MACROD2: variants seen among roughly 807,000 people sequenced by gnomAD.
MACROD2 encodes ADP-ribose glycohydrolase MACROD2.
In MACROD2, 36 loss-of-function variants were observed where a neutral mutation model predicts 70.4. The observed-to-expected ratio is 0.51, with a 90% CI of 0.39 to 0.68. The LOEUF (loss-of-function observed/expected upper bound fraction) is 0.68, where lower values mean the gene tolerates loss of function less well. Among genes scored for constraint, MACROD2 ranks in the 30% least tolerant of loss-of-function variants. MACROD2 has a pLI of 0.00. For missense variants in MACROD2, 496 were observed against 538.4 expected (o/e 0.92, Z 0.78); for synonymous variants, 172 against 178.8 (o/e 0.96, Z 0.30).
At chr20:15,967,106 T>G (rs1048829367) in intron 12 of MACROD2, among the ~76,000 whole-genome samples, 1 of 152,170 alleles carries the variant, frequency 6.6e-6, no homozygotes. Context: ...AAGATGAACT[T>G]AATTACCACT....
intron 8 of MACROD2, among the ~76,000 whole-genome samples, chr20:15,550,360 G>A (rs1568885595): frequency 6.9e-6 from 1 of 144,432 alleles, no homozygotes; most frequent in Middle Eastern, 3.7e-3. Context: ...AGATAAAAAT[G>A]TGTCTTATTA....
intron 8 of MACROD2, among the ~76,000 whole-genome samples, chr20:15,783,517 C>T (rs985062293): frequency 6.6e-6 from 1 of 152,050 alleles, no homozygotes. Context: ...TTAAAAGGCT[C>T]CTCCTGGTTT....
chr20:14,050,171 G>A (rs904276932), intron 2 of MACROD2, among the ~76,000 whole-genome samples: 1 of 151,840 alleles, frequency 6.6e-6, no homozygotes, highest in South Asian at 2.1e-4. Flanking sequence ...TGAATGATCA[G>A]CAGCAGGGTA....
chr20:15,914,585 C>T (rs1160680237), intron 10 of MACROD2, among the ~76,000 whole-genome samples: 1 of 152,188 alleles, frequency 6.6e-6, no homozygotes, highest in Middle Eastern at 3.2e-3. Flanking sequence ...GTAAGGACTA[C>T]CACTACTATG....
At chr20:14,605,056 A>G (rs572221460) in intron 4 of MACROD2, among the ~76,000 whole-genome samples, 10 of 152,324 alleles carry the variant, frequency 6.6e-5, no homozygotes, top group African/African-American at 2.4e-4. Flanking sequence ...TGAAGTAGCT[A>G]TAACACTTTA....
chr20:15,893,644 G>A (rs1290320011), intron 10 of MACROD2: 5 of 453,386 alleles, frequency 1.1e-5, no homozygotes, highest in African/African-American at 8.0e-5. Flanking sequence ...AAACCTAAGA[G>A]TAGTACAAAC....
intron 6 of MACROD2, among the ~76,000 whole-genome samples, chr20:15,397,257 T>G (rs138005834): frequency 1.6e-3 from 238 of 152,290 alleles, no homozygotes; most frequent in African/African-American, 5.3e-3. Flanking sequence ...CTGTAGATAC[T>G]ATTTTAGCTT....
At chr20:16,013,685 T>G (rs2066893808) in intron 15 of MACROD2, among the ~76,000 whole-genome samples, 1 of 152,214 alleles carries the variant, frequency 6.6e-6, no homozygotes, top group Non-Finnish European at 1.5e-5. Context: ...GTTGCTATAT[T>G]TATTGTCTTT....
intron 4 of MACROD2, among the ~76,000 whole-genome samples, chr20:14,614,067 C>G (rs925453109): frequency 6.6e-6 from 1 of 152,036 alleles, no homozygotes; most frequent in Non-Finnish European, 1.5e-5. Context: ...AATTAGTTTA[C>G]TTTTCATGCT....
chr20:15,843,609 A>G (rs2064198078), intron 8 of MACROD2, among the ~76,000 whole-genome samples: 2 of 152,212 alleles, frequency 1.3e-5, no homozygotes, highest in African/African-American at 4.8e-5. Context: ...CAGAGTATTT[A>G]GGATAATTTC....
At chr20:14,931,304 A>G (rs1425968066) in intron 5 of MACROD2, among the ~76,000 whole-genome samples, 1 of 152,120 alleles carries the variant, frequency 6.6e-6, no homozygotes, top group Non-Finnish European at 1.5e-5. Context: ...AACCACTACC[A>G]TTTGTAAAAA....
intron 8 of MACROD2, among the ~76,000 whole-genome samples, chr20:15,816,964 C>T (rs2063882999): frequency 6.6e-6 from 1 of 152,192 alleles, no homozygotes; most frequent in Non-Finnish European, 1.5e-5. Context: ...GAATTCAATA[C>T]CTACTTGTCC....
chr20:15,727,633 C>T (rs1189637471), intron 8 of MACROD2, among the ~76,000 whole-genome samples: 1 of 152,014 alleles, frequency 6.6e-6, no homozygotes, highest in Non-Finnish European at 1.5e-5. Context: ...TTTTGTAATT[C>T]TCACTGTAGA....
intron 15 of MACROD2, among the ~76,000 whole-genome samples, chr20:16,021,902 A>G (rs1391683309): frequency 2.0e-5 from 3 of 152,226 alleles, no homozygotes; most frequent in South Asian, 2.1e-4. Context: ...TAAGCATTGA[A>G]TAAGAGTTTC....
intron 8 of MACROD2, among the ~76,000 whole-genome samples, chr20:15,538,160 A>C (rs956433983): frequency 6.6e-6 from 1 of 152,208 alleles, no homozygotes; most frequent in Non-Finnish European, 1.5e-5. Flanking sequence ...AAAGAAAAAC[A>C]ACTTAAAAAA....
chr20:15,401,421 G>A lies in MACROD2; in HGVS notation c.541-29984G>A, dbSNP rs996696275. 8.5e-5 allele frequency among the ~76,000 whole-genome samples: 13 copies of A among 152,204 alleles called. No individual in the cohort carries two copies. In the East Asian group the frequency reaches 9.7e-4, roughly 11 times the overall value. On this transcript the variant is annotated intron_variant, in intron 6 of 17. Transcript: ENST00000684519. ...GGGCTTTCATAGAAATGTTTTCATCGGTACAGTTTGGCAACATGACCTCCA... is the reference window on the plus strand; with the variant it reads ...GGGCTTTCATAGAAATGTTTTCATCAGTACAGTTTGGCAACATGACCTCCA...
intron 4 of MACROD2, among the ~76,000 whole-genome samples, chr20:14,661,207 A>G (rs1986211221): frequency 1.3e-5 from 2 of 151,992 alleles, no homozygotes; most frequent in Non-Finnish European, 2.9e-5. Context: ...AATCTTGTCA[A>G]CATCCATGAT....
At position 14,216,521 on chromosome 20, in the gene MACROD2, G is replaced by GT. The variant is rs905786101; in HGVS notation, c.271+130801dup. ...TTGGTTTCATAAGAATTTTAGAATTGTTTTTTTTAATTCTGTGAAGAATGA... is the reference window on the plus strand; with the variant it reads ...TTGGTTTCATAAGAATTTTAGAATTGTTTTTTTTTAATTCTGTGAAGAATGA... On this transcript the variant is annotated intron_variant, in intron 3 of 17. Transcript: ENST00000684519. Among the ~76,000 whole-genome samples, 13 of 151,780 alleles carry GT rather than the reference G, an allele frequency of 8.6e-5. No individual in the cohort carries two copies. In the East Asian group the frequency reaches 9.7e-4, roughly 11 times the overall value.
In MACROD2 at chr20:14,326,997, G is replaced by C; in HGVS notation, c.272-166482G>C. 1 of 1,613,750 alleles carries C rather than the reference G, an allele frequency of 6.2e-7. No homozygotes were observed. The highest frequency in any genetic ancestry group is 8.5e-7 in the Non-Finnish European group (1 of 1,179,770). On this transcript the variant is annotated intron_variant, in intron 3 of 17. Coordinates refer to ENST00000684519, the MANE Select transcript of MACROD2 (RefSeq NM_001351661.2). This position sits in a 1 kb window ranked among gnomAD's most constrained non-coding sequence, Gnocchi z 5.5. ...CTTCTATAGTCCTGGGCAAACCCCA[G>C]GGAATTGTGCTAAGGTGATTACGGG...
Sources: gnomAD v4.1 joint callset for allele counts (sites outside exome capture counted in the v4.1 genomes callset) on GRCh38, gnomAD v4.1.1 for gene constraint, Gnocchi (gnomAD v3.1) non-coding constraint, MANE v1.5 for transcripts, NCBI Gene and HGNC (gene_info 2026-07-23, HGNC 2026-07-21) for gene names.